Variants in CRADD observed in about 807,000 individuals in gnomAD.
CRADD encodes death domain-containing protein CRADD.
A neutral mutation model predicts 15.5 loss-of-function variants in CRADD; 9 were observed. That is an observed-to-expected ratio of 0.58 (90% CI 0.35 to 1.01). The LOEUF (loss-of-function observed/expected upper bound fraction) is 1.01. Among genes scored for constraint, CRADD ranks in the 50% least tolerant of loss-of-function variants. The pLI, the probability that CRADD is intolerant of heterozygous loss-of-function variation, is 0.02. For synonymous variants in CRADD, 118 were observed against 107.6 expected (o/e 1.10, Z -0.60); for missense variants, 227 against 250.3 (o/e 0.91, Z 0.63).
intron 2 of CRADD, among the ~76,000 whole-genome samples, chr12:93,739,173 G>A (rs1301788294): frequency 6.6e-6 from 1 of 152,098 alleles, no homozygotes; most frequent in Non-Finnish European, 1.5e-5. Flanking sequence ...GCCATGGGAT[G>A]GGCACCAGCC....
chr12:93,851,938 A>G (rs7302224), downstream of CRADD, among the ~76,000 whole-genome samples: 35,355 of 152,150 alleles, frequency 0.23, 4,480 homozygotes, highest in African/African-American at 0.35. Context: ...TCTTGTAACC[A>G]TATTCCTGTT....
At chr12:93,849,900 C>A in intron 2 of CRADD, 70 bp from the exon 3 acceptor site, 1 of 926,270 alleles carries the variant, frequency 1.1e-6, no homozygotes, top group Non-Finnish European at 1.8e-6. Context: ...CCCCACGATT[C>A]TCATTTCTGC....
chr12:93,681,553 G>C (rs1035637952), intron 2 of CRADD, among the ~76,000 whole-genome samples: 2 of 151,984 alleles, frequency 1.3e-5, no homozygotes, highest in African/African-American at 2.4e-5. Flanking sequence ...TTTTAAAAAA[G>C]ACTTGTATTT....
chr12:93,832,926 C>T (rs927428737), intron 2 of CRADD, among the ~76,000 whole-genome samples: 3 of 152,194 alleles, frequency 2.0e-5, no homozygotes, highest in Non-Finnish European at 2.9e-5. Flanking sequence ...ACAGACAAGG[C>T]ACTTGGAATT....
intron 2 of CRADD, among the ~76,000 whole-genome samples, chr12:93,726,915 G>A (rs1213285577): frequency 1.3e-5 from 2 of 152,184 alleles, no homozygotes; most frequent in Non-Finnish European, 2.9e-5. Flanking sequence ...TCAGTTTCAC[G>A]ATAACAAGAC....
intron 2 of CRADD, among the ~76,000 whole-genome samples, chr12:93,796,695 AC>A (rs1957422602): frequency 6.6e-6 from 1 of 151,888 alleles, no homozygotes; most frequent in African/African-American, 2.4e-5. Flanking sequence ...ATGGGGCTAG[AC>A]TTTTCCTTGT....
intron 2 of CRADD, among the ~76,000 whole-genome samples, chr12:93,780,912 ATTT>A (rs58068881): frequency 2.2e-5 from 3 of 139,296 alleles, no homozygotes. Context: ...ATGCCCAGCT[ATTT>A]TTTTTTTTTT....
intron 2 of CRADD, among the ~76,000 whole-genome samples, chr12:93,703,978 C>CTTTTTTTTTTTTT (rs71071759): frequency 1.1e-5 from 1 of 90,270 alleles, no homozygotes; most frequent in African/African-American, 4.0e-5. Context: ...TGGAGCCTTT[C>CTTTTTTTTTTTTT]TTTTTTTTTT....
At chr12:93,798,215 C>T (rs1957441488) in intron 2 of CRADD, among the ~76,000 whole-genome samples, 1 of 152,138 alleles carries the variant, frequency 6.6e-6, no homozygotes, top group African/African-American at 2.4e-5. Context: ...TGATACCTTT[C>T]TTGAAGGCAG....
At chr12:93,791,600 A>G (rs763056831) in intron 2 of CRADD, among the ~76,000 whole-genome samples, 36 of 152,156 alleles carry the variant, frequency 2.4e-4, no homozygotes, top group African/African-American at 3.6e-4. Context: ...TTTGAGATCT[A>G]TTGTACAGCA....
At chr12:93,819,392 AG>A (rs1565926316) in intron 2 of CRADD, among the ~76,000 whole-genome samples, 1 of 152,222 alleles carries the variant, frequency 6.6e-6, no homozygotes, top group African/African-American at 2.4e-5. Context: ...GAGAACTAAA[AG>A]TAGCCTTGAA....
At chr12:93,804,954 C>T (rs1356187113) in intron 2 of CRADD, among the ~76,000 whole-genome samples, 1 of 151,996 alleles carries the variant, frequency 6.6e-6, no homozygotes, top group Non-Finnish European at 1.5e-5. Flanking sequence ...GGGGTGAGAA[C>T]TAATAAATGG....
intron 2 of CRADD, among the ~76,000 whole-genome samples, chr12:93,884,626 T>C (rs1466829483): frequency 1.3e-5 from 2 of 152,194 alleles, no homozygotes; most frequent in African/African-American, 4.8e-5. Context: ...GAGGTGGGAA[T>C]CCTGCTAGCA....
At chr12:93,734,629 A>G (rs1956531156) in intron 2 of CRADD, among the ~76,000 whole-genome samples, 1 of 152,218 alleles carries the variant, frequency 6.6e-6, no homozygotes, top group African/African-American at 2.4e-5. Flanking sequence ...TGAGATTTGA[A>G]ATCCAGAACA....
At chr12:93,889,337 A>T (rs960347546) in intron 2 of CRADD, among the ~76,000 whole-genome samples, 3 of 152,146 alleles carry the variant, frequency 2.0e-5, no homozygotes, top group African/African-American at 7.2e-5. Context: ...AATGCCAAGC[A>T]GTGACAGAGC....
downstream of CRADD, among the ~76,000 whole-genome samples, chr12:93,854,748 C>T (rs1452885263): frequency 6.6e-6 from 1 of 152,202 alleles, no homozygotes; most frequent in Non-Finnish European, 1.5e-5. Flanking sequence ...CTGCTCACTA[C>T]CTGCTCAGCC....
chr12:93,815,934 A>G (rs934207318), intron 2 of CRADD: 38 of 152,242 alleles, frequency 2.5e-4, no homozygotes, highest in African/African-American at 9.2e-4. Flanking sequence ...GTGAAGAATA[A>G]GGATAAACCA....
intron 2 of CRADD, among the ~76,000 whole-genome samples, chr12:93,721,934 TC>T (rs2136889777): frequency 6.6e-6 from 1 of 152,350 alleles, no homozygotes; most frequent in Admixed American, 6.5e-5. Flanking sequence ...TTCTTGATGC[TC>T]TTGTTTTCTT....
At chr12:93,819,793 A>G (rs1295631506) in intron 2 of CRADD, among the ~76,000 whole-genome samples, 1 of 152,260 alleles carries the variant, frequency 6.6e-6, no homozygotes, top group African/African-American at 2.4e-5. Flanking sequence ...CTTCTTCAGT[A>G]TATAGACTAA....
Sources: allele counts gnomAD v4.1 joint callset (sites outside exome capture counted in the v4.1 genomes callset), GRCh38; gene constraint gnomAD v4.1.1; transcripts MANE v1.5; gene names NCBI Gene and HGNC (gene_info 2026-07-23, HGNC 2026-07-21).